The following CLVS1 variants were observed in gnomAD, a reference collection of about 807,000 sequenced individuals.
The protein encoded by CLVS1 is clavesin 1.
A neutral mutation model predicts 33.1 loss-of-function variants in CLVS1; 10 were observed. The ratio of observed to expected loss-of-function variants is 0.30; its 90% CI spans 0.19 to 0.51. The LOEUF (loss-of-function observed/expected upper bound fraction) is 0.51. CLVS1 is among the 20% of genes least tolerant of loss of function. The pLI is 0.97. For synonymous variants in CLVS1, 163 were observed against 166.1 expected, an observed-to-expected ratio of 0.98 and a Z score of 0.14; for missense variants, 343 against 433.4, an observed-to-expected ratio of 0.79 and a Z score of 1.85.
intron 1 of CLVS1, among the ~76,000 whole-genome samples, chr8:61,294,918 T>G (rs1204278207): frequency 1.3e-5 from 2 of 152,220 alleles, no homozygotes; most frequent in Non-Finnish European, 2.9e-5. Flanking sequence ...TACTAAATTC[T>G]GTATGAGGAA....
intron 2 of CLVS1, among the ~76,000 whole-genome samples, chr8:61,251,005 G>C (rs556301324): frequency 6.6e-6 from 1 of 152,166 alleles, no homozygotes; most frequent in African/African-American, 2.4e-5. Context: ...TTTTCAAAGG[G>C]AATGCTTCCA....
intron 2 of CLVS1, among the ~76,000 whole-genome samples, chr8:61,350,794 C>A (rs1474850059): frequency 6.6e-6 from 1 of 152,088 alleles, no homozygotes; most frequent in African/African-American, 2.4e-5. Flanking sequence ...ACGGCAGCAG[C>A]AACAGAGAGC....
At chr8:61,242,789 C>A (rs1316990682) in intron 2 of CLVS1, among the ~76,000 whole-genome samples, 4 of 145,976 alleles carry the variant, frequency 2.7e-5, no homozygotes, top group East Asian at 1.9e-4. Context: ...CAGGACCCTG[C>A]CTCAAAAAAA....
intron 3 of CLVS1, among the ~76,000 whole-genome samples, chr8:61,423,441 C>T (rs868641363): frequency 9.2e-5 from 14 of 152,228 alleles, no homozygotes; most frequent in African/African-American, 2.9e-4. Flanking sequence ...TAGGACAGGC[C>T]GAGCATAGAA....
intron 2 of CLVS1, among the ~76,000 whole-genome samples, chr8:61,261,352 G>A (rs1809199635): frequency 6.6e-6 from 1 of 152,136 alleles, no homozygotes; most frequent in East Asian, 1.9e-4. Context: ...GACTAACAAA[G>A]TTAATTTCAG....
chr8:61,226,628 C>T (rs1808335356), intron 2 of CLVS1, among the ~76,000 whole-genome samples: 1 of 152,054 alleles, frequency 6.6e-6, no homozygotes, highest in African/African-American at 2.4e-5. Flanking sequence ...ACTATTTGCC[C>T]TTGAAATCAA....
chr8:61,134,951 G>C (rs1304990633), intron 2 of CLVS1, among the ~76,000 whole-genome samples: 1 of 151,928 alleles, frequency 6.6e-6, no homozygotes, highest in Admixed American at 6.6e-5. Context: ...GGAATTCACA[G>C]ATTTAGGGTG....
chr8:61,236,203 C>G (rs190429765), intron 2 of CLVS1, among the ~76,000 whole-genome samples: 1 of 152,262 alleles, frequency 6.6e-6, no homozygotes, highest in East Asian at 1.9e-4. Flanking sequence ...AGAGAAAGAA[C>G]AGTGCATTGG....
At chr8:61,091,258 G>A (rs1805244253) in intron 1 of CLVS1, among the ~76,000 whole-genome samples, 1 of 152,200 alleles carries the variant, frequency 6.6e-6, no homozygotes, top group Non-Finnish European at 1.5e-5. Context: ...AGGCGAAAGA[G>A]ACAAAGAACA....
chr8:61,346,688 A>C (rs530336720), intron 2 of CLVS1, among the ~76,000 whole-genome samples: 23 of 152,172 alleles, frequency 1.5e-4, no homozygotes, highest in Non-Finnish European at 2.9e-4. Flanking sequence ...ACAAACACTG[A>C]GCCCCTCCCT....
chr8:61,256,030 A>G (rs1585726695), intron 2 of CLVS1, among the ~76,000 whole-genome samples: 1 of 152,176 alleles, frequency 6.6e-6, no homozygotes, highest in East Asian at 1.9e-4. Context: ...GAACATTTAC[A>G]TTGTTGCACA....
Position 61,486,098 on chromosome 8 carries a change from A to AAAATAAATAAATAAATAAAT in CLVS1, c.978-13345_978-13326dup, listed in dbSNP as rs57652285. On this transcript the variant is annotated intron_variant, in intron 5 of 5. Transcript: ENST00000325897. ...GTACCCTACAACTTAAAGTATAATT[A>AAAATAAATAAATAAATAAAT]AAATAAATAAATAAATAAATAAATA... Among the ~76,000 whole-genome samples the AAAATAAATAAATAAATAAAT allele has an allele frequency of 4.1e-3, 623 of 150,288 alleles. 6 individuals are homozygous for AAAATAAATAAATAAATAAAT. Among genetic ancestry groups the AAAATAAATAAATAAATAAAT allele is most frequent in the East Asian group, 8.3e-3 (43 of 5,164 alleles).
At chr8:61,125,392 GC>G (rs1585628562) in intron 1 of CLVS1, among the ~76,000 whole-genome samples, 2 of 152,128 alleles carry the variant, frequency 1.3e-5, no homozygotes, top group East Asian at 3.9e-4. Flanking sequence ...GAACAAAGCA[GC>G]TTTACCCATA....
chr8:60,998,376 C>A, the CLVS1 span, among the ~76,000 whole-genome samples: 1 of 152,250 alleles, frequency 6.6e-6, no homozygotes, highest in South Asian at 2.1e-4. Context: ...GATTCCACTG[C>A]CACAATGTCA....
intron 2 of CLVS1, among the ~76,000 whole-genome samples, chr8:61,311,930 GAGGGCATGTAGAA>G (rs1810845813): frequency 6.6e-6 from 1 of 152,220 alleles, no homozygotes; most frequent in South Asian, 2.1e-4. Context: ...GTCAGTAAAA[GAGGGCATGTAGAA>G]AGGGCGTTTT....
At chr8:61,102,047 T>C (rs767822301) in intron 1 of CLVS1, among the ~76,000 whole-genome samples, 2 of 152,200 alleles carry the variant, frequency 1.3e-5, no homozygotes, top group Non-Finnish European at 2.9e-5. Context: ...ACTTGGTTTT[T>C]TCTTTTCAAG....
chr8:61,067,306 G>T (rs1332385170), intron 1 of CLVS1, among the ~76,000 whole-genome samples: 2 of 151,766 alleles, frequency 1.3e-5, no homozygotes, highest in Non-Finnish European at 2.9e-5. Flanking sequence ...GGCACATGGA[G>T]TGTGCTCGAC....
intron 2 of CLVS1, among the ~76,000 whole-genome samples, chr8:61,246,118 A>T (rs1808801996): frequency 6.8e-6 from 1 of 147,188 alleles, no homozygotes; most frequent in South Asian, 2.3e-4. Context: ...CTCTTCCAAG[A>T]CGAGGCAGGA....
chr8:61,246,593 A>G (rs892438813), intron 2 of CLVS1, among the ~76,000 whole-genome samples: 3 of 152,010 alleles, frequency 2.0e-5, no homozygotes, highest in Non-Finnish European at 4.4e-5. Context: ...TACCCTTTCA[A>G]TTGTCCTTAG....
Sources: gnomAD v4.1 joint callset for allele counts (sites outside exome capture counted in the v4.1 genomes callset) on GRCh38, gnomAD v4.1.1 for gene constraint, MANE v1.5 for transcripts, NCBI Gene and HGNC (gene_info 2026-07-23, HGNC 2026-07-21) for gene names.